DLG2: variants seen among roughly 807,000 people sequenced by gnomAD.
DLG2 encodes the protein discs large MAGUK scaffold protein 2.
In DLG2, 45 loss-of-function variants were observed where a neutral mutation model predicts 132.5. The ratio of observed to expected loss-of-function variants is 0.34; its 90% CI spans 0.27 to 0.44. The LOEUF (loss-of-function observed/expected upper bound fraction) is 0.44. Ranked by LOEUF, DLG2 falls within the 20% of genes least tolerant of loss-of-function variation. DLG2 has a pLI of 1.00. For synonymous variants in DLG2, 424 were observed against 419.6 expected (o/e 1.01, Z -0.13); for missense variants, 1,045 against 1,196.9 (o/e 0.87, Z 1.87).
At position 84,177,585 on chromosome 11, in the gene DLG2, A is replaced by G. The variant is rs1333786122; in HGVS notation, c.574-14074T>C. Among the ~76,000 whole-genome samples the G allele has an allele frequency of 3.9e-5, 6 of 152,240 alleles. No homozygotes were observed. In the East Asian group the frequency reaches 7.7e-4, roughly 20 times the overall value. ...TACGATACTACTTATACTTACTTCA[A>G]TAAGGTTGTTAGGGATTATAAATGA... On this transcript the variant is annotated intron_variant, in intron 8 of 27. Coordinates refer to ENST00000376104, the MANE Select transcript of DLG2 (RefSeq NM_001142699.3).
intron 3 of DLG2, among the ~76,000 whole-genome samples, chr11:85,374,630 T>C (rs1234821029): frequency 6.6e-6 from 1 of 152,186 alleles, no homozygotes; most frequent in African/African-American, 2.4e-5. Flanking sequence ...ATTACAGGCA[T>C]GAGCCACTGC....
intron 13 of DLG2, among the ~76,000 whole-genome samples, chr11:83,963,289 A>G (rs865984899): frequency 5.9e-5 from 9 of 151,958 alleles, no homozygotes; most frequent in Non-Finnish European, 1.3e-4. Flanking sequence ...TGGAGAAGAG[A>G]TCCAGCACAC....
At chr11:83,681,645 G>A (rs769907094) in intron 18 of DLG2, among the ~76,000 whole-genome samples, 13 of 152,148 alleles carry the variant, frequency 8.5e-5, no homozygotes, top group Non-Finnish European at 1.8e-4. Context: ...CACAATAATC[G>A]CCACAATGCC....
At chr11:85,608,750 T>C (rs2080775431) in intron 2 of DLG2, among the ~76,000 whole-genome samples, 1 of 152,146 alleles carries the variant, frequency 6.6e-6, no homozygotes, top group Non-Finnish European at 1.5e-5. Context: ...CTCTCTGATT[T>C]AAAGCAGATC....
chr11:84,610,108 A>G (rs1254555054), intron 6 of DLG2, among the ~76,000 whole-genome samples: 5 of 152,150 alleles, frequency 3.3e-5, no homozygotes, highest in African/African-American at 4.8e-5. Context: ...TCCAATATTT[A>G]TCAGTGGGGC....
chr11:85,102,084 G>A (rs926528365), intron 6 of DLG2, among the ~76,000 whole-genome samples: 9 of 151,798 alleles, frequency 5.9e-5, no homozygotes, highest in African/African-American at 1.7e-4. Flanking sequence ...CATCTTCCAC[G>A]ATACAAAGCA....
chr11:84,986,289 C>A (rs1012378967), intron 6 of DLG2, among the ~76,000 whole-genome samples: 7 of 151,850 alleles, frequency 4.6e-5, no homozygotes, highest in African/African-American at 1.7e-4. Context: ...CAACAAGCAG[C>A]GAGATTGAAA....
chr11:85,272,753 C>T (rs1453665416), intron 4 of DLG2, among the ~76,000 whole-genome samples: 1 of 152,134 alleles, frequency 6.6e-6, no homozygotes, highest in Admixed American at 6.5e-5. Flanking sequence ...GAAAAAGCTA[C>T]TCTAAAGTTC....
intron 3 of DLG2, among the ~76,000 whole-genome samples, chr11:85,291,048 T>C (rs1398088863): frequency 6.6e-6 from 1 of 152,184 alleles, no homozygotes; most frequent in East Asian, 1.9e-4. Flanking sequence ...CTCTTTGAGA[T>C]ATACCTTCAA....
In DLG2 at chr11:84,045,391, A is replaced by C. The variant is rs75546801; in HGVS notation, c.919+13924T>G. On this transcript the variant is annotated intron_variant, in intron 11 of 27. Coordinates refer to ENST00000376104, the MANE Select transcript of DLG2 (RefSeq NM_001142699.3). ...ATCAATAGGTCCAGATGCTAGGTGCAGTCCAACAATATTACATTCAATAGA... is the reference window on the plus strand; with the variant it reads ...ATCAATAGGTCCAGATGCTAGGTGCCGTCCAACAATATTACATTCAATAGA... 6.1e-3 allele frequency among the ~76,000 whole-genome samples: 925 copies of C among 151,906 alleles called. 8 individuals are homozygous for C. Among genetic ancestry groups the C allele is most frequent in the African/African-American group, 0.021 (892 of 41,516 alleles).
At chr11:84,079,203 C>G (rs1017443517) in intron 10 of DLG2, among the ~76,000 whole-genome samples, 3 of 151,952 alleles carry the variant, frequency 2.0e-5, no homozygotes, top group African/African-American at 7.2e-5. Context: ...TTCTCTCAAT[C>G]TTTTTGCCAA....
At chr11:85,244,986 T>C (rs1254031665) in intron 4 of DLG2, among the ~76,000 whole-genome samples, 3 of 151,950 alleles carry the variant, frequency 2.0e-5, no homozygotes, top group South Asian at 4.1e-4. Flanking sequence ...CATGGAATCA[T>C]AGACCAGTGT....
chr11:83,987,443 G>A (rs1309976153), intron 11 of DLG2, among the ~76,000 whole-genome samples: 1 of 152,052 alleles, frequency 6.6e-6, no homozygotes, highest in Non-Finnish European at 1.5e-5. Flanking sequence ...CTGACTTCAA[G>A]CTATACTACA....
intron 4 of DLG2, among the ~76,000 whole-genome samples, chr11:85,156,184 C>T (rs945566965): frequency 6.6e-6 from 1 of 152,052 alleles, no homozygotes; most frequent in Non-Finnish European, 1.5e-5. Context: ...TTCTCTGCTC[C>T]CGTAGTTTAC....
chr11:84,900,799 T>C (rs1255509024), intron 6 of DLG2, among the ~76,000 whole-genome samples: 1 of 152,020 alleles, frequency 6.6e-6, no homozygotes, highest in African/African-American at 2.4e-5. Context: ...CCTTTTTCTA[T>C]TTACCAAGCT....
intron 4 of DLG2, among the ~76,000 whole-genome samples, chr11:85,223,358 G>A (rs1014906039): frequency 1.3e-5 from 2 of 152,124 alleles, no homozygotes; most frequent in Admixed American, 1.3e-4. Context: ...AGAAGGATGA[G>A]CATGGTGGCT....
intron 12 of DLG2, among the ~76,000 whole-genome samples, chr11:83,971,337 T>C (rs2154166566): frequency 6.6e-6 from 1 of 152,138 alleles, no homozygotes; most frequent in South Asian, 2.1e-4. Flanking sequence ...AGATGACTCA[T>C]TCTCTCAAAC....
chr11:85,269,655 A>G (rs1016817760), intron 4 of DLG2, among the ~76,000 whole-genome samples: 6 of 152,220 alleles, frequency 3.9e-5, no homozygotes, highest in African/African-American at 1.4e-4. Context: ...ACTGTTCACA[A>G]TAGTGTTAAT....
chr11:85,608,937 G>A (rs2080789999), intron 2 of DLG2, among the ~76,000 whole-genome samples: 1 of 152,148 alleles, frequency 6.6e-6, no homozygotes. Context: ...GAGATACCTG[G>A]TATCTCAGTC....
Sources: gnomAD v4.1 joint callset for allele counts (sites outside exome capture counted in the v4.1 genomes callset) on GRCh38, gnomAD v4.1.1 for gene constraint, MANE v1.5 for transcripts, NCBI Gene and HGNC (gene_info 2026-07-23, HGNC 2026-07-21) for gene names.